EXOSC10: variants seen among roughly 807,000 people sequenced by gnomAD.
EXOSC10 encodes the protein exosome complex component 10.
In EXOSC10, 94 loss-of-function variants were observed where a neutral mutation model predicts 126.6. The observed-to-expected ratio is 0.74, with a 90% CI of 0.63 to 0.88. The LOEUF (loss-of-function observed/expected upper bound fraction) is 0.88. Among genes scored for constraint, EXOSC10 ranks in the 40% least tolerant of loss-of-function variants. The pLI, the probability that EXOSC10 is intolerant of heterozygous loss-of-function variation, is 0.00. For synonymous variants in EXOSC10, 395 were observed against 400.8 expected (o/e 0.99, Z 0.17); for missense variants, 1,041 against 1,100.5 (o/e 0.95, Z 0.77).
intron 2 of EXOSC10, among the ~76,000 whole-genome samples, chr1:11,096,323 G>T (rs1570864885): frequency 2.0e-5 from 3 of 152,114 alleles, no homozygotes; most frequent in South Asian, 2.1e-4. Flanking sequence ...GCTAATTTTT[G>T]TATTTTTAGT....
intron 24 of EXOSC10, among the ~76,000 whole-genome samples, chr1:11,067,413 C>T (rs552095135): frequency 2.4e-4 from 35 of 146,684 alleles, no homozygotes; most frequent in Non-Finnish European, 4.5e-4. Flanking sequence ...GCCTGGGCGA[C>T]AGACCGAGAC....
At chr1:11,091,428 G>A in intron 4 of EXOSC10, 65 bp downstream of exon 4, 1 of 1,402,770 alleles carries the variant, frequency 7.1e-7, no homozygotes, top group Non-Finnish European at 9.9e-7. Context: ...ATGCATGTTA[G>A]AATGAGCAAA....
chr1:11,069,027 C>T, intron 22 of EXOSC10: 1 of 371,848 alleles, frequency 2.7e-6, no homozygotes, highest in Non-Finnish European at 4.9e-6. Flanking sequence ...GGAACTCGGG[C>T]TCTGAGGCGA....
At chr1:11,098,297 A>C (rs1035992125) in intron 1 of EXOSC10, 141 bp from the exon 2 acceptor site, 2 of 1,020,246 alleles carry the variant, frequency 2.0e-6, no homozygotes, top group East Asian at 2.8e-5. Context: ...ACCCCAATCT[A>C]ATCTAGGCCC....
intron 9 of EXOSC10, among the ~76,000 whole-genome samples, chr1:11,087,031 G>A (rs1640533389): frequency 6.6e-6 from 1 of 152,208 alleles, no homozygotes; most frequent in Non-Finnish European, 1.5e-5. Context: ...GAATCCAGGA[G>A]CTGGTTTTTT....
Position 11,095,892 on chromosome 1 carries a change from G to A in EXOSC10, c.249-11C>T. 5 of 1,607,808 alleles carry A rather than the reference G, an allele frequency of 3.1e-6. No individual in the cohort carries two copies. Among genetic ancestry groups the A allele is most frequent in the Non-Finnish European group, 4.3e-6 (5 of 1,176,042 alleles). On this transcript the variant is annotated splice_polypyrimidine_tract_variant and intron_variant, in intron 2 of 24. Transcript: ENST00000376936. ...ATTACTCTGCTCATGCTAAGGAAAG[G>A]AAAACCAAGGTTAGCTTGTAGATTT...
At chr1:11,071,986 A>G (rs1029872985) in intron 20 of EXOSC10, 101 bp downstream of exon 20, 22 of 915,962 alleles carry the variant, frequency 2.4e-5, no homozygotes, top group Non-Finnish European at 3.6e-5. Flanking sequence ...GAAGCCCCAC[A>G]GGGGCTTCAT....
rs755386529 is a variant in EXOSC10, at chr1:11,091,145, G to A, written c.512C>T (p.Thr171Ile). The stretch of plus-strand genomic sequence containing the variant: ...ATTTTTTGCATGAAGCAGCCGGAAA[G>A]TTTCAGATTTTGCTTTTTTGCCATA... ...AEYGKKAKSE[T>I]FRLLHAKNII... The change falls in exon 5 of 25, where the codon ACT becomes ATT. Residue 171 changes from threonine to isoleucine, a missense_variant. By Grantham distance (89) the Thr-to-Ile change is moderately conservative. Coordinates refer to ENST00000376936, the MANE Select transcript of EXOSC10 (RefSeq NM_001001998.3). 20 of 1,613,964 alleles carry A rather than the reference G, an allele frequency of 1.2e-5. No homozygotes were observed. In the South Asian group the frequency reaches 2.0e-4, roughly 16 times the overall value.
At chr1:11,092,478 G>T (rs1283137519) in intron 3 of EXOSC10, among the ~76,000 whole-genome samples, 4 of 151,180 alleles carry the variant, frequency 2.6e-5, no homozygotes, top group Non-Finnish European at 5.9e-5. Flanking sequence ...CTCCCAAAGT[G>T]CTAGGATTAC....
At chr1:11,083,715 G>C (rs202227694) in intron 9 of EXOSC10, among the ~76,000 whole-genome samples, 1 of 133,718 alleles carries the variant, frequency 7.5e-6, no homozygotes, top group East Asian at 2.1e-4. Flanking sequence ...CCATGCTGGT[G>C]CGCTGCACCC....
chr1:11,098,992 C>T (rs555100549), intron 1 of EXOSC10, among the ~76,000 whole-genome samples: 1 of 152,274 alleles, frequency 6.6e-6, no homozygotes, highest in Non-Finnish European at 1.5e-5. Context: ...AGTTAGTGGT[C>T]CAGGAACTAT....
intron 2 of EXOSC10, among the ~76,000 whole-genome samples, chr1:11,097,009 C>T (rs1447673843): frequency 6.6e-6 from 1 of 151,984 alleles, no homozygotes; most frequent in Non-Finnish European, 1.5e-5. Context: ...GTCAGGAGTT[C>T]GAGACCAGCC....
chr1:11,091,020 GGA>G lies in EXOSC10; in HGVS notation c.635_636del (p.Leu212ProfsTer6), dbSNP rs1557715676. 6.2e-7 allele frequency: 1 copy of G among 1,613,718 alleles called. No homozygotes were observed. On this transcript the variant is annotated frameshift_variant, in exon 5 of 25. Coordinates refer to ENST00000376936, the MANE Select transcript of EXOSC10 (RefSeq NM_001001998.3). LOFTEE classifies it high-confidence loss of function. ...CAAAGTATGCACTATTTACCTTGAGGGAGAGGTTTCTGAGCATTGGGTTTGAT... is the reference window on the plus strand; with the variant it reads ...CAAAGTATGCACTATTTACCTTGAGGGAGGTTTCTGAGCATTGGGTTTGAT... The part of the protein sequence containing the change: ...IFIKPNAQKP[L>X]PQALSKERRE...
intron 9 of EXOSC10, among the ~76,000 whole-genome samples, chr1:11,087,097 A>C (rs1640536954): frequency 6.6e-6 from 1 of 152,086 alleles, no homozygotes; most frequent in African/African-American, 2.4e-5. Context: ...AGCTTTCTAC[A>C]CTCCTGATTC....
intron 4 of EXOSC10, 26 bp from the exon 5 acceptor site, chr1:11,091,205 T>C (rs1186210486): frequency 1.3e-6 from 2 of 1,585,666 alleles, no homozygotes; most frequent in Non-Finnish European, 1.7e-6. Context: ...ACAAATACTT[T>C]ATAACACAGC....
chr1:11,090,793 C>A, intron 5 of EXOSC10, 125 bp from the exon 6 acceptor site: 2 of 838,976 alleles, frequency 2.4e-6, no homozygotes, highest in Non-Finnish European at 3.7e-6. Context: ...GTTCTGTCCC[C>A]CAGGCTGAAG....
intron 5 of EXOSC10, 70 bp downstream of exon 5, chr1:11,090,944 T>C: frequency 6.6e-7 from 1 of 1,517,314 alleles, no homozygotes; most frequent in Non-Finnish European, 9.0e-7. Context: ...AAGAGAGACC[T>C]GTACACCCTT....
At position 11,087,551 on chromosome 1, in the gene EXOSC10, A is replaced by G. The variant is rs774040253; in HGVS notation, c.986T>C (p.Met329Thr). The change falls in exon 9 of 25, where the codon ATG becomes ACG. Residue 329 changes from methionine (M) to threonine (T), a missense_variant. Met to Thr is a moderately conservative substitution (Grantham distance 81). Coordinates refer to ENST00000376936, the MANE Select transcript of EXOSC10 (RefSeq NM_001001998.3). ...GTCTTCCGTCCGAGTAGAAATTTGC[A>G]TCAGGCAGGTCAGTCCCAGGAAGCT... Reference protein sequence around the residue: ...YRSFLGLTCLMQISTRTEDFI... With the variant: ...YRSFLGLTCLTQISTRTEDFI... 1.9e-6 allele frequency: 3 copies of G among 1,614,156 alleles called. No homozygotes were observed. The highest frequency in any genetic ancestry group is 2.5e-6 in the Non-Finnish European group (3 of 1,180,026).
intron 14 of EXOSC10, 77 bp from the exon 15 acceptor site, chr1:11,077,728 T>C (rs1570807024): frequency 8.0e-7 from 1 of 1,257,024 alleles, no homozygotes; most frequent in Non-Finnish European, 1.1e-6. Flanking sequence ...CAGCGCTGAC[T>C]GTATTCCTTC....
Sources: allele counts gnomAD v4.1 joint callset (sites outside exome capture counted in the v4.1 genomes callset), GRCh38; gene constraint gnomAD v4.1.1; transcripts MANE v1.5; gene names NCBI Gene and HGNC (gene_info 2026-07-23, HGNC 2026-07-21).